Variants in DGCR2 observed in about 807,000 individuals in gnomAD.
DGCR2 encodes integral membrane protein DGCR2/IDD.
In DGCR2, 24 loss-of-function variants were observed where a neutral mutation model predicts 51.6. That is an observed-to-expected ratio of 0.47 (90% CI 0.34 to 0.65). The LOEUF is 0.65. DGCR2 is among the 30% of genes least tolerant of loss of function. The pLI is 0.01. For missense variants in DGCR2, 765 were observed against 772.1 expected, an observed-to-expected ratio of 0.99 and a Z score of 0.11; for synonymous variants, 340 against 315.4, an observed-to-expected ratio of 1.08 and a Z score of -0.82.
At position 19,062,579 on chromosome 22, in the gene DGCR2, C is replaced by T. The variant is rs981642128; in HGVS notation, c.625+623G>A. Among the ~76,000 whole-genome samples, 4 of 152,100 alleles carry T rather than the reference C, an allele frequency of 2.6e-5. 1 individual carries two copies. The highest frequency in any genetic ancestry group is 4.8e-5 in the African/African-American group (2 of 41,416). On this transcript the variant is annotated intron_variant, in intron 5 of 9. Transcript: ENST00000263196. ...AAGGGGCAGGGCAAGGGAGTGTGAC[C>T]CTGGCGGCAGCTGGAGAAGGCACTG... is the stretch of plus-strand genomic sequence containing the variant.
intron 1 of DGCR2, among the ~76,000 whole-genome samples, chr22:19,091,714 C>G (rs1034383042): frequency 2.6e-5 from 4 of 151,102 alleles, no homozygotes; most frequent in Non-Finnish European, 5.9e-5. Context: ...GAGTTCGAGA[C>G]CAGCCTGGCC....
At chr22:19,065,731 G>GA (rs2082740748) in intron 3 of DGCR2, 1 of 152,836 alleles carries the variant, frequency 6.5e-6, no homozygotes, top group African/African-American at 2.4e-5. Context: ...CCACACACGG[G>GA]AATGCCTGGT....
At position 19,051,189 on chromosome 22, in the gene DGCR2, A is replaced by C. The variant is rs376596293; in HGVS notation, c.803-2546T>G. Among the ~76,000 whole-genome samples the C allele has an allele frequency of 1.2e-4, 8 of 66,502 alleles. No homozygotes were observed. In the South Asian group the frequency reaches 1.4e-3, roughly 12 times the overall value. 43.6% of individuals were successfully genotyped at this position (66,502 alleles called of 152,430 possible). ...GGGCAACAGAGTGAAATTCTGTCAC[A>C]AAAAAAAAAAAAAAAAAAAAAAAAT... On this transcript the variant is annotated intron_variant, in intron 6 of 9. Transcript: ENST00000263196.
chr22:19,077,229 C>T (rs1316433553), intron 2 of DGCR2, among the ~76,000 whole-genome samples: 1 of 152,030 alleles, frequency 6.6e-6, no homozygotes, highest in Non-Finnish European at 1.5e-5. Context: ...CTTTTGTTGC[C>T]TGTGATTTAA....
chr22:19,067,425 G>C (rs185106799), intron 3 of DGCR2, among the ~76,000 whole-genome samples: 1 of 152,152 alleles, frequency 6.6e-6, no homozygotes, highest in Non-Finnish European at 1.5e-5. Flanking sequence ...GGACACAGTG[G>C]CTCATGCCTG....
intron 5 of DGCR2, among the ~76,000 whole-genome samples, chr22:19,062,775 G>GCATTCGCATTCTCATTCATTCTCATT: frequency 9.2e-6 from 1 of 108,860 alleles, no homozygotes; most frequent in Non-Finnish European, 1.9e-5. Context: ...ACACATGCAT[G>GCATTCGCATTCTCATTCATTCTCATT]CTCACTCTCT....
chr22:19,104,387 T>TTAC (rs762555931), intron 1 of DGCR2, among the ~76,000 whole-genome samples: 48,048 of 133,804 alleles, frequency 0.36, 9,010 homozygotes, highest in African/African-American at 0.57. Flanking sequence ...GTTTCAAGGC[T>TTAC]GTCTCAAACT....
intron 5 of DGCR2, among the ~76,000 whole-genome samples, chr22:19,062,779 A>ATTCATTCATT: frequency 1.4e-4 from 18 of 127,416 alleles, no homozygotes; most frequent in South Asian, 2.9e-4. Flanking sequence ...ATGCATGCTC[A>ATTCATTCATT]CTCTCTCTCT....
rs1284335215 is a variant in DGCR2, at chr22:19,093,755, A to C, written c.80-4265T>G. 1.3e-5 allele frequency among the ~76,000 whole-genome samples: 2 copies of C among 152,168 alleles called. 1 individual carries two copies. The highest frequency in any genetic ancestry group is 2.9e-5 in the Non-Finnish European group (2 of 68,028). ...CTTATACCTGTAATCCCAACACTTT[A>C]GGAGGCCAAGGTGGGAGCAACACTT... On this transcript the variant is annotated intron_variant, in intron 1 of 9. Transcript: ENST00000263196.
At chr22:19,059,852 T>C (rs1157730461) in intron 5 of DGCR2, among the ~76,000 whole-genome samples, 2 of 152,048 alleles carry the variant, frequency 1.3e-5, no homozygotes, top group Non-Finnish European at 2.9e-5. Context: ...GCCACCTCCA[T>C]GTCCACCGCT....
At chr22:19,076,127 T>G (rs2082872869) in intron 2 of DGCR2, among the ~76,000 whole-genome samples, 1 of 111,316 alleles carries the variant, frequency 9.0e-6, no homozygotes. Flanking sequence ...GCCCAGCTAA[T>G]TTTTGTATTT....
chr22:19,040,924 T>G (rs2082423435), intron 9 of DGCR2, 134 bp downstream of exon 9: 9 of 832,952 alleles, frequency 1.1e-5, no homozygotes, highest in Admixed American at 2.9e-5. Flanking sequence ...GGAGAAGCCT[T>G]AAAGGAAAAA....
intron 6 of DGCR2, 117 bp from the exon 7 acceptor site, chr22:19,048,760 G>A (rs887071486): frequency 2.0e-6 from 2 of 993,150 alleles, no homozygotes; most frequent in Non-Finnish European, 3.1e-6. Flanking sequence ...AATGCTACCT[G>A]TTACCTTAGA....
At chr22:19,081,965 A>G (rs1405426878) in intron 2 of DGCR2, among the ~76,000 whole-genome samples, 1 of 152,152 alleles carries the variant, frequency 6.6e-6, no homozygotes, top group South Asian at 2.1e-4. Flanking sequence ...ACTGAATTAG[A>G]ATCCTTATCC....
chr22:19,072,899 T>TA (rs1313935220), intron 2 of DGCR2, among the ~76,000 whole-genome samples: 19 of 151,350 alleles, frequency 1.3e-4, no homozygotes, highest in African/African-American at 2.7e-4. Context: ...AATTTTTTTT[T>TA]AAAAAAAAGG....
intron 2 of DGCR2, among the ~76,000 whole-genome samples, chr22:19,086,339 T>C (rs1229195070): frequency 6.6e-6 from 1 of 151,566 alleles, no homozygotes; most frequent in Non-Finnish European, 1.5e-5. Context: ...ATTAGCCGGG[T>C]GTGGTAGCAG....
intron 2 of DGCR2, among the ~76,000 whole-genome samples, chr22:19,075,401 C>T (rs138016943): frequency 0.016 from 2,479 of 151,648 alleles, 87 homozygotes; most frequent in East Asian, 0.062. Flanking sequence ...GAGCCGAGAT[C>T]GTGCCACTGC....
intron 1 of DGCR2, among the ~76,000 whole-genome samples, chr22:19,097,889 G>A (rs891160477): frequency 2.0e-5 from 3 of 152,054 alleles, no homozygotes; most frequent in Admixed American, 2.0e-4. Flanking sequence ...GCAGAAAGAG[G>A]TAAGGGCTAA....
chr22:19,101,766 G>A (rs1301706383), intron 1 of DGCR2, among the ~76,000 whole-genome samples: 1 of 150,236 alleles, frequency 6.7e-6, no homozygotes, highest in East Asian at 2.0e-4. Flanking sequence ...AGTGAATGTG[G>A]GCCAGGCATG....
Sources: gnomAD v4.1 joint callset for allele counts (sites outside exome capture counted in the v4.1 genomes callset) on GRCh38, gnomAD v4.1.1 for gene constraint, MANE v1.5 for transcripts, NCBI Gene and HGNC (gene_info 2026-07-23, HGNC 2026-07-21) for gene names.